The following MTRF1 variants were observed in gnomAD, a reference collection of about 807,000 sequenced individuals.
MTRF1 encodes the protein mitochondrial translation release factor 1.
MTRF1 carries 51 observed loss-of-function variants against 62.9 expected under a neutral mutation model. The ratio of observed to expected loss-of-function variants is 0.81; its 90% confidence interval spans 0.65 to 1.02. The LOEUF (loss-of-function observed/expected upper bound fraction) is 1.02, where lower values mean the gene tolerates loss of function less well. Ranked by LOEUF, MTRF1 falls within the 50% of genes least tolerant of loss-of-function variation. MTRF1 has a pLI of 0.00. For missense variants in MTRF1, 446 were observed against 530.0 expected (o/e 0.84, Z 1.56); for synonymous variants, 158 against 181.9 (o/e 0.87, Z 1.06).
upstream of MTRF1, among the ~76,000 whole-genome samples, chr13:41,264,674 TATTA>T (rs2040781547): frequency 2.6e-5 from 4 of 152,258 alleles, 1 homozygote; most frequent in South Asian, 8.3e-4. Context: ...GGTTTTACCC[TATTA>T]ATTCATTTAA....
chr13:41,231,944 C>A (rs545730479), intron 7 of MTRF1, among the ~76,000 whole-genome samples: 281 of 150,892 alleles, frequency 1.9e-3, no homozygotes, highest in African/African-American at 6.5e-3. Flanking sequence ...GTTCCAGCTA[C>A]CAGGAAGCTG....
chr13:41,257,669 A>G, intron 2 of MTRF1: 1 of 274,044 alleles, frequency 3.6e-6, no homozygotes, highest in Non-Finnish European at 8.0e-6. Context: ...ATGGTTGCAC[A>G]CACCTGTAGT....
the MTRF1 span, among the ~76,000 whole-genome samples, chr13:41,278,907 A>C: frequency 6.6e-6 from 1 of 152,094 alleles, no homozygotes; most frequent in African/African-American, 2.4e-5. Flanking sequence ...GGGAAGGGGG[A>C]GCTGAACATG....
At chr13:41,253,629 T>C (rs1417745553) in intron 3 of MTRF1, among the ~76,000 whole-genome samples, 1 of 152,206 alleles carries the variant, frequency 6.6e-6, no homozygotes. Context: ...AATTTCATTA[T>C]TACTAAAAGG....
At chr13:41,298,584 C>T in the MTRF1 span, among the ~76,000 whole-genome samples, 26 of 152,192 alleles carry the variant, frequency 1.7e-4, no homozygotes, top group African/African-American at 5.8e-4. Flanking sequence ...TTTGCCTTTG[C>T]TATCTAATCT....
chr13:41,280,184 C>G, the MTRF1 span, among the ~76,000 whole-genome samples: 5 of 152,174 alleles, frequency 3.3e-5, no homozygotes, highest in Admixed American at 2.0e-4. Flanking sequence ...ATCCGCCCAC[C>G]CTGGCTTCCC....
intron 1 of MTRF1, 149 bp downstream of exon 1, chr13:41,263,336 G>A (rs1244908221): frequency 3.1e-6 from 4 of 1,288,194 alleles, no homozygotes; most frequent in Middle Eastern, 2.1e-4. Context: ...GATGCTTTGG[G>A]GAAAGTTCTG....
At chr13:41,262,420 G>C (rs2040571980) in intron 1 of MTRF1, 1 of 150,774 alleles carries the variant, frequency 6.6e-6, no homozygotes, top group Non-Finnish European at 1.5e-5. Context: ...CCTTTTGCTT[G>C]CTATTTTTTC....
At chr13:41,297,951 T>G in the MTRF1 span, among the ~76,000 whole-genome samples, 19 of 152,332 alleles carry the variant, frequency 1.2e-4, no homozygotes, top group African/African-American at 4.3e-4. Context: ...AATTTATAAA[T>G]TAATAGAATC....
the MTRF1 span, among the ~76,000 whole-genome samples, chr13:41,304,481 C>T: frequency 1.3e-5 from 2 of 152,092 alleles, no homozygotes; most frequent in East Asian, 3.9e-4. Flanking sequence ...CCTATAACAT[C>T]GTAGGTACTC....
intron 9 of MTRF1, 131 bp downstream of exon 9, chr13:41,223,125 G>C: frequency 1.8e-6 from 1 of 566,558 alleles, no homozygotes; most frequent in South Asian, 3.6e-5. Context: ...GTAAATTTTA[G>C]GGTGGCTTAA....
chr13:41,231,460 G>A (rs937494540), intron 7 of MTRF1, among the ~76,000 whole-genome samples: 2 of 152,228 alleles, frequency 1.3e-5, no homozygotes, highest in Non-Finnish European at 2.9e-5. Flanking sequence ...ATGGAGTATG[G>A]GCGGGAAGAC....
At chr13:41,282,289 C>T in the MTRF1 span, among the ~76,000 whole-genome samples, 1 of 152,110 alleles carries the variant, frequency 6.6e-6, no homozygotes, top group African/African-American at 2.4e-5. Flanking sequence ...GACCTTATCT[C>T]TTCTGAAAAT....
intron 2 of MTRF1, among the ~76,000 whole-genome samples, chr13:41,256,452 G>A (rs1274195649): frequency 1.3e-5 from 2 of 151,552 alleles, no homozygotes; most frequent in Non-Finnish European, 2.9e-5. Context: ...TCAGCCTCCC[G>A]AGTAGTTGAG....
At position 41,220,541 on chromosome 13, in the gene MTRF1, CAGA is replaced by C. The variant is rs748188036; in HGVS notation, c.1224+2712_1224+2714del. The C allele has an allele frequency of 1.2e-5, 15 of 1,263,714 alleles. No individual in the cohort carries two copies. The South Asian group carries it at 1.5e-4, about 13-fold the overall frequency. The allele number at this position is 1,263,714 out of a possible 1,614,324, so 78.3% of individuals were successfully genotyped here. On this transcript the variant is annotated intron_variant, in intron 9 of 9. Coordinates refer to ENST00000379480, the MANE Select transcript of MTRF1 (RefSeq NM_004294.4). Reference sequence around the variant, plus strand: ...AAATAAAAGTAAGAAAGTTACCTAACAGAAGAAGTCATAATGAGAATACCAGGT... The same window carrying C: ...AAATAAAAGTAAGAAAGTTACCTAACAGAAGTCATAATGAGAATACCAGGT...
chr13:41,244,770 CCT>C (rs2038018436), intron 5 of MTRF1, among the ~76,000 whole-genome samples: 1 of 152,154 alleles, frequency 6.6e-6, no homozygotes, highest in Admixed American at 6.6e-5. Context: ...GCAAGCAGGC[CCT>C]GACACCCCAG....
the MTRF1 span, among the ~76,000 whole-genome samples, chr13:41,273,315 G>A: frequency 6.3e-5 from 9 of 141,944 alleles, no homozygotes; most frequent in Admixed American, 1.4e-4. Flanking sequence ...TACAGAGCGA[G>A]ACTCCGTCTC....
At chr13:41,249,805 G>A (rs1395341554) in intron 5 of MTRF1, among the ~76,000 whole-genome samples, 1 of 151,204 alleles carries the variant, frequency 6.6e-6, no homozygotes, top group Non-Finnish European at 1.5e-5. Flanking sequence ...TTTTGTATTT[G>A]TAGTAGACAT....
At chr13:41,258,332 C>T (rs2039988912) in intron 2 of MTRF1, among the ~76,000 whole-genome samples, 1 of 152,042 alleles carries the variant, frequency 6.6e-6, no homozygotes, top group Admixed American at 6.6e-5. Context: ...AAGTTAATAG[C>T]CAAATCTGGA....
Sources: allele counts gnomAD v4.1 joint callset (sites outside exome capture counted in the v4.1 genomes callset), GRCh38; gene constraint gnomAD v4.1.1; transcripts MANE v1.5; gene names NCBI Gene and HGNC (gene_info 2026-07-23, HGNC 2026-07-21).